The following HERC1 variants were observed in gnomAD, a reference collection of about 807,000 sequenced individuals.
HERC1 encodes the protein HECT and RLD domain containing E3 ubiquitin protein ligase family member 1, also known as probable E3 ubiquitin-protein ligase HERC1.
Under a neutral mutation model 554.3 loss-of-function variants are expected in HERC1, and 160 were observed. That is an observed-to-expected ratio of 0.29 (90% CI 0.25 to 0.33). HERC1 has a LOEUF of 0.33. Ranked by LOEUF, HERC1 falls within the 10% of genes least tolerant of loss-of-function variation. The probability of loss-of-function intolerance (pLI) is 1.00; values close to 1 mark genes in which losing one functional copy is unlikely to be tolerated. For missense variants in HERC1, 4,919 were observed against 5,918.5 expected (o/e 0.83, Z 5.54); for synonymous variants, 2,175 against 2,131.7 (o/e 1.02, Z -0.56).
intron 3 of HERC1, among the ~76,000 whole-genome samples, chr15:63,762,439 T>A (rs1472443359): frequency 6.6e-6 from 1 of 152,172 alleles, no homozygotes; most frequent in Non-Finnish European, 1.5e-5. Flanking sequence ...TTCTCCTGCC[T>A]CAGCCTCCTG....
chr15:63,793,120 A>G (rs918899201), intron 1 of HERC1, among the ~76,000 whole-genome samples: 2 of 152,264 alleles, frequency 1.3e-5, no homozygotes, highest in Admixed American at 6.5e-5. Context: ...GCCACCCTCC[A>G]GGAACTGCCA....
Position 63,758,536 on chromosome 15 carries a change from C to T in HERC1, c.1027-167G>A, listed in dbSNP as rs1039838858. 6.6e-6 allele frequency among the ~76,000 whole-genome samples: 1 copy of T among 152,026 alleles called. No individual in the cohort carries two copies. The highest frequency in any genetic ancestry group is 6.6e-5 in the Admixed American group (1 of 15,244). On this transcript the variant is annotated intron_variant, in intron 3 of 77. Coordinates refer to ENST00000443617, the MANE Select transcript of HERC1 (RefSeq NM_003922.4). The surrounding 1 kb of genome is among the most constrained non-coding windows in gnomAD (Gnocchi z 4.0). ...GACTATTTACTCATATGGAATAAAC[C>T]ACTAAAAGACGCTAATGAAGTGGCA...
chr15:63,676,038 G>T (rs1409872334), intron 37 of HERC1, among the ~76,000 whole-genome samples: 6 of 151,858 alleles, frequency 4.0e-5, no homozygotes, highest in East Asian at 1.9e-4. Context: ...TGAGTAGCTG[G>T]GATTACAGGC....
intron 74 of HERC1, among the ~76,000 whole-genome samples, chr15:63,620,426 T>C (rs1445941475): frequency 6.6e-6 from 1 of 152,014 alleles, no homozygotes; most frequent in East Asian, 1.9e-4. Flanking sequence ...ATGTGGTCAA[T>C]TTTGGAATAG....
intron 13 of HERC1, 150 bp from the exon 14 acceptor site, chr15:63,733,295 T>A (rs1272587172): frequency 6.6e-6 from 4 of 603,956 alleles, no homozygotes; most frequent in Non-Finnish European, 1.2e-5. Flanking sequence ...AACTACCCAA[T>A]TAATCCCATT....
intron 50 of HERC1, among the ~76,000 whole-genome samples, chr15:63,654,825 C>A (rs1165842908): frequency 2.0e-5 from 3 of 150,626 alleles, no homozygotes; most frequent in Admixed American, 6.6e-5. Context: ...GCCGAGACTG[C>A]GCCACTGTAC....
chr15:63,710,445 C>G (rs2073236034), intron 24 of HERC1, among the ~76,000 whole-genome samples: 1 of 152,130 alleles, frequency 6.6e-6, no homozygotes, highest in African/African-American at 2.4e-5. Context: ...ATAGATTAGA[C>G]AGTTATTTAT....
At chr15:63,649,579 T>A in intron 54 of HERC1, 146 bp downstream of exon 54, 1 of 634,898 alleles carries the variant, frequency 1.6e-6, no homozygotes, top group Non-Finnish European at 2.8e-6. Flanking sequence ...ATTCAGTAAC[T>A]AATTAAAATT....
At chr15:63,790,957 A>G (rs1259320274) in intron 1 of HERC1, among the ~76,000 whole-genome samples, 2 of 152,200 alleles carry the variant, frequency 1.3e-5, no homozygotes, top group Admixed American at 6.5e-5. Flanking sequence ...ATATCTTTAT[A>G]GAAGGCTTGT....
chr15:63,693,619 C>G (rs2072248318), intron 30 of HERC1, among the ~76,000 whole-genome samples: 1 of 152,090 alleles, frequency 6.6e-6, no homozygotes, highest in Non-Finnish European at 1.5e-5. Flanking sequence ...TTGTCAGGAT[C>G]AAATGCTAAG....
At chr15:63,691,550 CA>C (rs2072110374) in intron 31 of HERC1, among the ~76,000 whole-genome samples, 1 of 151,512 alleles carries the variant, frequency 6.6e-6, no homozygotes. Flanking sequence ...TTAAAAAATA[CA>C]TATAACTGTA....
chr15:63,664,627 T>C (rs1246170907), intron 42 of HERC1, 33 bp from the exon 43 acceptor site: 2 of 1,597,840 alleles, frequency 1.3e-6, no homozygotes, highest in Admixed American at 3.4e-5. Flanking sequence ...AACACAAAGT[T>C]TTTGAAACCA....
Position 63,674,753 on chromosome 15 carries a change from G to A in HERC1, c.7435C>T (p.His2479Tyr), listed in dbSNP as rs1194487574. 6 of 1,613,790 alleles carry A rather than the reference G, an allele frequency of 3.7e-6. No individual in the cohort carries two copies. The highest frequency in any genetic ancestry group is 5.1e-6 in the Non-Finnish European group (6 of 1,179,864). ...DPTLPSVESQ[H>Y]QITEGKRKNH... Reference sequence around the variant, plus strand: ...TTTCTTTTCCCTTCTGTTATTTGATGTTGGGATTCCACACTTGGCAGTGTT... The same window carrying A: ...TTTCTTTTCCCTTCTGTTATTTGATATTGGGATTCCACACTTGGCAGTGTT... Residue 2479 changes from histidine to tyrosine, a missense_variant, in exon 38 of 78, where the codon CAT (histidine) becomes TAT (tyrosine). Physicochemically the swap from His to Tyr is moderately conservative, Grantham distance 83. Around this residue, in one of 11 missense-constraint regions of HERC1, gnomAD observed 1,963 missense variants for 2,228.6 expected, o/e 0.88. Transcript: ENST00000443617.
intron 22 of HERC1, among the ~76,000 whole-genome samples, chr15:63,715,939 T>C (rs190888009): frequency 2.6e-5 from 4 of 152,248 alleles, no homozygotes; most frequent in African/African-American, 7.2e-5. Flanking sequence ...AGAAAGGGGC[T>C]CTCTTCCTCA....
intron 1 of HERC1, among the ~76,000 whole-genome samples, chr15:63,800,221 G>A (rs2076936087): frequency 1.3e-5 from 2 of 152,166 alleles, no homozygotes; most frequent in Non-Finnish European, 2.9e-5. Flanking sequence ...GTAATAAAAA[G>A]TTAATGAAGT....
chr15:63,661,642 G>T, intron 45 of HERC1, 111 bp downstream of exon 45: 1 of 1,121,226 alleles, frequency 8.9e-7, no homozygotes, highest in Non-Finnish European at 1.3e-6. Flanking sequence ...AGAATCACGG[G>T]ATTTCAGGGA....
At chr15:63,622,134 A>T (rs574148254) in intron 74 of HERC1, among the ~76,000 whole-genome samples, 1 of 152,172 alleles carries the variant, frequency 6.6e-6, no homozygotes, top group African/African-American at 2.4e-5. Flanking sequence ...TGCAAATACT[A>T]AATTTTGTGA....
intron 12 of HERC1, among the ~76,000 whole-genome samples, chr15:63,735,296 G>C (rs1265580491): frequency 2.7e-5 from 4 of 150,878 alleles, no homozygotes; most frequent in African/African-American, 9.8e-5. Flanking sequence ...ATGGCCTATG[G>C]GCTCATGGAA....
At chr15:63,681,099 T>C (rs576855064) in intron 34 of HERC1, among the ~76,000 whole-genome samples, 1 of 152,334 alleles carries the variant, frequency 6.6e-6, no homozygotes, top group African/African-American at 2.4e-5. Flanking sequence ...ATTCTTTACA[T>C]ATAGATTTTA....
Sources: allele counts gnomAD v4.1 joint callset (sites outside exome capture counted in the v4.1 genomes callset), GRCh38; gene constraint gnomAD v4.1.1; regional missense constraint gnomAD v4.1.1; non-coding constraint Gnocchi (gnomAD v3.1); transcripts MANE v1.5; gene names NCBI Gene and HGNC (gene_info 2026-07-23, HGNC 2026-07-21).